TBCCD1: variants seen among roughly 807,000 people sequenced by gnomAD.
TBCCD1 encodes TBCC domain containing 1.
Under a neutral mutation model 53.4 loss-of-function variants are expected in TBCCD1, and 26 were observed. That is an observed-to-expected ratio of 0.49 (90% CI 0.36 to 0.68). The LOEUF (loss-of-function observed/expected upper bound fraction) is 0.68, where lower values mean the gene tolerates loss of function less well. Among genes scored for constraint, TBCCD1 ranks in the 30% least tolerant of loss-of-function variants. The probability of loss-of-function intolerance (pLI) is 0.00; values close to 1 mark genes in which losing one functional copy is unlikely to be tolerated. For synonymous variants in TBCCD1, 245 were observed against 241.7 expected (o/e 1.01, Z -0.13); for missense variants, 558 against 669.5 (o/e 0.83, Z 1.84).
intron 2 of TBCCD1, among the ~76,000 whole-genome samples, chr3:186,562,217 C>A (rs1714709101): frequency 1.3e-5 from 2 of 152,096 alleles, no homozygotes; most frequent in African/African-American, 4.8e-5. Context: ...TGATAGCACA[C>A]ACCTGTAGTC....
chr3:186,567,242 C>G (rs1020608696), intron 1 of TBCCD1, 25 bp downstream of exon 1: 1 of 152,332 alleles, frequency 6.6e-6, no homozygotes, highest in African/African-American at 2.4e-5. Context: ...CACCGCCCTC[C>G]CCGGCGCACC....
At position 186,567,313 on chromosome 3, in the gene TBCCD1, C is replaced by G. The variant is rs1714867669; in HGVS notation, c.-90G>C. ...CGCCGCACTTCTCCGCGCGCCGCCG[C>G]GCCCGGCGTCCGCTCGCTGGGCCCG... is the stretch of plus-strand genomic sequence containing the variant. On this transcript the variant is annotated 5_prime_UTR_variant, in exon 1 of 8. Coordinates refer to ENST00000338733, the MANE Select transcript of TBCCD1 (RefSeq NM_018138.5). 2 of 152,954 alleles carry G rather than the reference C, an allele frequency of 1.3e-5. No individual in the cohort carries two copies. The highest frequency in any genetic ancestry group is 4.1e-4 in the South Asian group (2 of 4,864). 9.5% of individuals were successfully genotyped at this position (152,954 alleles called of 1,614,324 possible).
chr3:186,554,530 T>G lies in TBCCD1; in HGVS notation c.1268A>C (p.Tyr423Ser). 1 of 1,614,128 alleles carries G rather than the reference T, an allele frequency of 6.2e-7. No individual in the cohort carries two copies. Among genetic ancestry groups the G allele is most frequent in the Non-Finnish European group, 8.5e-7 (1 of 1,180,014 alleles). The stretch of plus-strand genomic sequence containing the variant: ...GGCCATATGGTCCTCTAGCATTGGG[T>G]AATGTGTATGAAAAGGGGCAAAAGT... ...TVTFAPFHTHYPMLEDHMART... is the reference protein window; with the variant it reads ...TVTFAPFHTHSPMLEDHMART... The change falls in exon 6 of 8, where the codon TAC becomes TCC. Residue 423 changes from tyrosine to serine, a missense_variant. Physicochemically the swap from Tyr to Ser is moderately radical, Grantham distance 144. Transcript: ENST00000338733.
At position 186,554,845 on chromosome 3, in the gene TBCCD1, C is replaced by CA. The variant is rs1491382418; in HGVS notation, c.1046+52dup. The CA allele has an allele frequency of 8.7e-6, 14 of 1,604,174 alleles. No homozygotes were observed. In the East Asian group the frequency reaches 3.1e-4, roughly 36 times the overall value. On this transcript the variant is annotated intron_variant, in intron 5 of 7. Transcript: ENST00000338733. ...ATCTGATGGCAAAAAAAGAATCAGT[C>CA]ACAGTCCAAAGAAAATGTCAGAACA...
At chr3:186,547,619 T>C (rs1462171383) in intron 7 of TBCCD1, among the ~76,000 whole-genome samples, 1 of 151,094 alleles carries the variant, frequency 6.6e-6, no homozygotes, top group Non-Finnish European at 1.5e-5. Flanking sequence ...TTTTTTTTTT[T>C]TTTTTAAGAC....
Position 186,552,528 on chromosome 3 carries a change from A to G in TBCCD1, c.1545-1249T>C, listed in dbSNP as rs150001253. On this transcript the variant is annotated intron_variant, in intron 6 of 7. Transcript: ENST00000338733. ...GACCCAAACCATAAAATCACTAAACATTCCTTTCCTGGAGGAGTGGCTACT... is the reference window on the plus strand; with the variant it reads ...GACCCAAACCATAAAATCACTAAACGTTCCTTTCCTGGAGGAGTGGCTACT... Among the ~76,000 whole-genome samples the G allele has an allele frequency of 4.2e-4, 64 of 152,338 alleles. 3 individuals carry two copies. The highest frequency in any genetic ancestry group is 1.5e-3 in the African/African-American group (62 of 41,578).
chr3:186,566,209 T>C (rs1714824620), intron 1 of TBCCD1, among the ~76,000 whole-genome samples: 1 of 152,220 alleles, frequency 6.6e-6, no homozygotes, highest in African/African-American at 2.4e-5. Flanking sequence ...GGCTAATTTT[T>C]GTATTTTTTT....
At chr3:186,552,182 G>T (rs535137452) in intron 6 of TBCCD1, among the ~76,000 whole-genome samples, 2 of 152,212 alleles carry the variant, frequency 1.3e-5, no homozygotes, top group African/African-American at 4.8e-5. Flanking sequence ...AGCAGAATGA[G>T]TATTTGGAGA....
chr3:186,552,011 A>AC (rs1714395882), intron 6 of TBCCD1, among the ~76,000 whole-genome samples: 4 of 152,252 alleles, frequency 2.6e-5, no homozygotes, highest in Non-Finnish European at 5.9e-5. Context: ...ACAATACAAT[A>AC]AAAATATAAT....
chr3:186,558,447 G>T lies in TBCCD1; in HGVS notation c.462C>A (p.Asp154Glu). 6.2e-7 allele frequency: 1 copy of T among 1,614,150 alleles called. No individual in the cohort carries two copies. ...TATGACAATTAGATTTTTCAGTCAG[G>T]TCAGGAGACTGAGATTTGTTTCTGG... ...PSPRNKSQSP[D>E]LTEKSNCHNK... is the part of the protein sequence containing the mutation. The change falls in exon 3 of 8, where the codon GAC becomes GAA. Residue 154 changes from aspartate to glutamate, a missense_variant. Coordinates refer to ENST00000338733, the MANE Select transcript of TBCCD1 (RefSeq NM_018138.5).
At chr3:186,566,009 T>C (rs1294101444) in intron 1 of TBCCD1, among the ~76,000 whole-genome samples, 1 of 152,172 alleles carries the variant, frequency 6.6e-6, no homozygotes, top group East Asian at 1.9e-4. Context: ...TATTATATTT[T>C]GCATTTGATT....
upstream of TBCCD1, chr3:186,570,299 G>A: frequency 1.8e-6 from 1 of 543,342 alleles, no homozygotes; most frequent in African/African-American, 1.9e-5. Context: ...CCCTCATTCG[G>A]AGCGTAGCTG....
rs1714204331 is a variant in TBCCD1, at chr3:186,546,378, T to C, written c.*599A>G. On this transcript the variant is annotated 3_prime_UTR_variant, in exon 8 of 8. Transcript: ENST00000338733. ...TCAGTTGCTTTAATATTAACATACA[T>C]ACAATGGTACTACCTTCACCAACTT... The C allele has an allele frequency of 6.6e-6, 1 of 152,234 alleles. No homozygotes were observed. Among genetic ancestry groups the C allele is most frequent in the Admixed American group, 6.5e-5 (1 of 15,288 alleles). The allele number at this position is 152,234 out of a possible 1,614,324, so 9.4% of individuals were successfully genotyped here.
At chr3:186,551,371 T>C (rs1397594829) in intron 6 of TBCCD1, 92 bp from the exon 7 acceptor site, 1 of 1,208,504 alleles carries the variant, frequency 8.3e-7, no homozygotes, top group Non-Finnish European at 1.2e-6. Context: ...AATAGGATAA[T>C]GTTAAATGAT....
Position 186,554,941 on chromosome 3 carries a change from G to A in TBCCD1, c.1003C>T (p.His335Tyr). ...TATATAAAAGATTCGTTGCAACGAT[G>A]AATCTTTACATGTGCCCCCGCCAGA... ...DTLAGAHVKI[H>Y]RCNESFIYLL... Residue 335 changes from histidine (H) to tyrosine (Y), a missense_variant, in exon 5 of 8, where the codon CAT (histidine) becomes TAT (tyrosine). His to Tyr is a moderately conservative substitution (Grantham distance 83). Coordinates refer to ENST00000338733, the MANE Select transcript of TBCCD1 (RefSeq NM_018138.5). 1 of 1,613,792 alleles carries A rather than the reference G, an allele frequency of 6.2e-7. No homozygotes were observed. Among genetic ancestry groups the A allele is most frequent in the Non-Finnish European group, 8.5e-7 (1 of 1,180,030 alleles).
At chr3:186,568,808 C>T (rs1303916888), upstream of TBCCD1, among the ~76,000 whole-genome samples, 4 of 151,686 alleles carry the variant, frequency 2.6e-5, no homozygotes, top group Non-Finnish European at 5.9e-5. Flanking sequence ...GAGGCTGAGG[C>T]AGGAGAATCG....
chr3:186,567,093 ACT>A (rs931272549), intron 1 of TBCCD1, among the ~76,000 whole-genome samples, 172 bp downstream of exon 1: 1 of 152,044 alleles, frequency 6.6e-6, no homozygotes, highest in Non-Finnish European at 1.5e-5. Context: ...CCGGGGTGGG[ACT>A]CTGCGTGGGC....
intron 2 of TBCCD1, 146 bp downstream of exon 2, chr3:186,563,848 G>A (rs1028600697): frequency 8.5e-6 from 8 of 939,440 alleles, no homozygotes; most frequent in Non-Finnish European, 1.2e-5. Context: ...AAGACTGCTT[G>A]AAGCCGGGAG....
At position 186,563,998 on chromosome 3, in the gene TBCCD1, T is replaced by C. The variant is rs771274501; in HGVS notation, c.332A>G (p.Asn111Ser). ...TACACACATATCAATCCGTACCTGA[T>C]TTCTCTGCTTTTCAACTTCCTCCTC... ...MSEEEVEKQRNQLSVDTLQFL... is the reference protein window; with the variant it reads ...MSEEEVEKQRSQLSVDTLQFL... Residue 111 changes from asparagine to serine, a missense_variant, in exon 2 of 8, where the codon AAT becomes AGT. Transcript: ENST00000338733. 2 of 1,606,766 alleles carry C rather than the reference T, an allele frequency of 1.2e-6. No individual in the cohort carries two copies. Among genetic ancestry groups the C allele is most frequent in the Admixed American group, 1.7e-5 (1 of 59,420 alleles).
Sources: allele counts gnomAD v4.1 joint callset (sites outside exome capture counted in the v4.1 genomes callset), GRCh38; gene constraint gnomAD v4.1.1; transcripts MANE v1.5; gene names NCBI Gene and HGNC (gene_info 2026-07-23, HGNC 2026-07-21).